The following KLHL1 variants were observed in gnomAD, a reference collection of about 807,000 sequenced individuals.
KLHL1 encodes the protein kelch like family member 1.
Under a neutral mutation model 77.7 loss-of-function variants are expected in KLHL1, and 47 were observed. The observed-to-expected ratio is 0.60, with a 90% CI of 0.48 to 0.77. KLHL1 has a LOEUF of 0.77. Ranked by LOEUF, KLHL1 falls within the 30% of genes least tolerant of loss-of-function variation. The pLI, the probability that KLHL1 is intolerant of heterozygous loss-of-function variation, is 0.00. For missense variants in KLHL1, 925 were observed against 910.8 expected, an observed-to-expected ratio of 1.02 and a Z score of -0.20; for synonymous variants, 360 against 325.2, an observed-to-expected ratio of 1.11 and a Z score of -1.15.
intron 7 of KLHL1, among the ~76,000 whole-genome samples, chr13:69,749,214 C>T (rs1261559317): frequency 6.6e-6 from 1 of 151,844 alleles, no homozygotes; most frequent in Non-Finnish European, 1.5e-5. Context: ...CTAATGGTTA[C>T]TAAAAATATC....
At chr13:69,714,452 A>G (rs752513844) in intron 9 of KLHL1, among the ~76,000 whole-genome samples, 14 of 152,148 alleles carry the variant, frequency 9.2e-5, no homozygotes, top group Non-Finnish European at 1.2e-4. Flanking sequence ...GTTTAAACAA[A>G]CTTTAAAAAT....
At chr13:69,812,443 G>A (rs1433294417) in intron 6 of KLHL1, among the ~76,000 whole-genome samples, 1 of 152,086 alleles carries the variant, frequency 6.6e-6, no homozygotes, top group African/African-American at 2.4e-5. Flanking sequence ...AACACCAAAA[G>A]CAATGGCAAC....
At chr13:69,960,906 T>A (rs1018053140) in intron 3 of KLHL1, among the ~76,000 whole-genome samples, 8 of 151,976 alleles carry the variant, frequency 5.3e-5, no homozygotes, top group Non-Finnish European at 1.2e-4. Context: ...TCCGTGAAAA[T>A]TTTTACGTTA....
In KLHL1 at chr13:69,933,825, T is replaced by C. The variant is rs7327798; in HGVS notation, c.1014+6215A>G. On this transcript the variant is annotated intron_variant, in intron 4 of 10. Transcript: ENST00000377844. ...AAAAAAAATACTTGAGAAAAAAAAATCACAAAGTTCTTTGGTCTTATTTCT... is the reference window on the plus strand; with the variant it reads ...AAAAAAAATACTTGAGAAAAAAAAACCACAAAGTTCTTTGGTCTTATTTCT... 8.6e-5 allele frequency among the ~76,000 whole-genome samples: 13 copies of C among 151,664 alleles called. No individual in the cohort carries two copies. In the East Asian group the frequency reaches 1.6e-3, roughly 18 times the overall value.
At chr13:69,725,435 C>G (rs1873250333) in intron 8 of KLHL1, among the ~76,000 whole-genome samples, 1 of 152,114 alleles carries the variant, frequency 6.6e-6, no homozygotes, top group Non-Finnish European at 1.5e-5. Flanking sequence ...CAACTCACTT[C>G]TCACATCTCA....
At chr13:69,982,252 G>A (rs535658222) in intron 1 of KLHL1, among the ~76,000 whole-genome samples, 4 of 151,544 alleles carry the variant, frequency 2.6e-5, no homozygotes, top group Non-Finnish European at 4.4e-5. Context: ...TGGGCAACAC[G>A]GTGAAACCCT....
chr13:69,815,637 T>A (rs1478282753), intron 6 of KLHL1, among the ~76,000 whole-genome samples: 2 of 152,082 alleles, frequency 1.3e-5, no homozygotes, highest in Non-Finnish European at 2.9e-5. Flanking sequence ...ATGGGATCAT[T>A]AGAAGCCCAA....
chr13:69,998,608 C>T (rs1420870610), intron 1 of KLHL1, among the ~76,000 whole-genome samples: 7 of 152,000 alleles, frequency 4.6e-5, no homozygotes, highest in Admixed American at 4.6e-4. Context: ...TCTCCTGTTT[C>T]ATCACTTCTA....
intron 3 of KLHL1, among the ~76,000 whole-genome samples, chr13:69,957,124 T>G (rs1883912812): frequency 6.6e-6 from 1 of 151,748 alleles, no homozygotes; most frequent in Admixed American, 6.6e-5. Context: ...ATCTCAGTTT[T>G]CATTTCTATT....
intron 1 of KLHL1, among the ~76,000 whole-genome samples, chr13:70,018,147 A>G (rs566721718): frequency 6.6e-6 from 1 of 152,320 alleles, no homozygotes; most frequent in East Asian, 1.9e-4. Context: ...CGGGAAGCTA[A>G]ATAACAACAA....
At chr13:69,760,971 C>G (rs774224643) in intron 7 of KLHL1, among the ~76,000 whole-genome samples, 4 of 152,148 alleles carry the variant, frequency 2.6e-5, no homozygotes, top group Non-Finnish European at 5.9e-5. Flanking sequence ...ACAACAGAAT[C>G]TCCCATTGTT....
intron 6 of KLHL1, among the ~76,000 whole-genome samples, chr13:69,832,799 G>A (rs897674648): frequency 6.6e-6 from 1 of 152,004 alleles, no homozygotes. Flanking sequence ...CAGCAAGAGA[G>A]CCAAATAGTT....
chr13:69,852,734 G>A (rs757746643), intron 5 of KLHL1, among the ~76,000 whole-genome samples: 7 of 151,968 alleles, frequency 4.6e-5, no homozygotes, highest in Non-Finnish European at 1.0e-4. Flanking sequence ...GATGCATCAT[G>A]CAAGTCAATA....
At chr13:69,743,591 C>A (rs1451295279) in intron 7 of KLHL1, among the ~76,000 whole-genome samples, 1 of 151,930 alleles carries the variant, frequency 6.6e-6, no homozygotes, top group Non-Finnish European at 1.5e-5. Context: ...TCGAGACCAG[C>A]CTGGCCAACA....
At chr13:70,091,801 C>T (rs1034301365) in intron 1 of KLHL1, among the ~76,000 whole-genome samples, 2 of 152,118 alleles carry the variant, frequency 1.3e-5, no homozygotes, top group Non-Finnish European at 2.9e-5. Flanking sequence ...GTAGGTGCCG[C>T]CTAAACTACC....
chr13:69,778,875 C>CACA (rs897462876), intron 7 of KLHL1, among the ~76,000 whole-genome samples: 6 of 134,276 alleles, frequency 4.5e-5, no homozygotes, highest in African/African-American at 1.7e-4. Flanking sequence ...CTTGGCTTAT[C>CACA]ACAACTTCCA....
intron 3 of KLHL1, 40 bp downstream of exon 3, chr13:69,961,268 T>C (rs528310651): frequency 6.3e-7 from 1 of 1,575,256 alleles, no homozygotes; most frequent in African/African-American, 1.4e-5. Context: ...AGCTAAAATT[T>C]ATAAGACATC....
intron 7 of KLHL1, among the ~76,000 whole-genome samples, chr13:69,765,259 G>T (rs551080190): frequency 1.1e-4 from 17 of 151,788 alleles, no homozygotes; most frequent in African/African-American, 4.1e-4. Flanking sequence ...GCCTATCTTT[G>T]CATGTTTTAT....
At chr13:70,028,841 G>T (rs535147083) in intron 1 of KLHL1, among the ~76,000 whole-genome samples, 1 of 152,028 alleles carries the variant, frequency 6.6e-6, no homozygotes. Flanking sequence ...GCCAAGCTTG[G>T]TGGCACATAC....
Sources: gnomAD v4.1 joint callset for allele counts (sites outside exome capture counted in the v4.1 genomes callset) on GRCh38, gnomAD v4.1.1 for gene constraint, MANE v1.5 for transcripts, NCBI Gene and HGNC (gene_info 2026-07-23, HGNC 2026-07-21) for gene names.